The following GRIP2 variants were observed in gnomAD, a reference collection of about 807,000 sequenced individuals.
GRIP2 encodes glutamate receptor interacting protein 2, also known as glutamate receptor-interacting protein 2.
A neutral mutation model predicts 108.3 loss-of-function variants in GRIP2; 58 were observed. That is an observed-to-expected ratio of 0.54 (90% CI 0.43 to 0.67). The LOEUF (loss-of-function observed/expected upper bound fraction) is 0.67, where lower values mean the gene tolerates loss of function less well. Ranked by LOEUF, GRIP2 falls within the 30% of genes least tolerant of loss-of-function variation. GRIP2 has a pLI of 0.00. For synonymous variants in GRIP2, 586 were observed against 598.2 expected, an observed-to-expected ratio of 0.98 and a Z score of 0.30; for missense variants, 1,278 against 1,430.6, an observed-to-expected ratio of 0.89 and a Z score of 1.72.
intron 1 of GRIP2, among the ~76,000 whole-genome samples, chr3:14,554,421 G>T (rs1278509297): frequency 7.0e-6 from 1 of 142,904 alleles, no homozygotes; most frequent in Non-Finnish European, 1.5e-5. Flanking sequence ...ACGGTCTGTG[G>T]ACCTGAACAG....
intron 1 of GRIP2, among the ~76,000 whole-genome samples, chr3:14,551,043 G>A (rs532737040): frequency 6.6e-6 from 1 of 152,326 alleles, no homozygotes; most frequent in East Asian, 1.9e-4. Flanking sequence ...GAGGCAGCAA[G>A]GCTTCCAGGC....
Position 14,512,801 on chromosome 3 carries a change from C to T in GRIP2, c.1696G>A (p.Val566Met), listed in dbSNP as rs145225220. The change falls in exon 14 of 24, where the codon GTG becomes ATG. Residue 566 changes from valine (V) to methionine (M), a missense_variant. By Grantham distance (21) the Val-to-Met change is conservative. Coordinates refer to ENST00000621039, the MANE Select transcript of GRIP2 (RefSeq NM_001080423.4). This position sits in a 1 kb window ranked among gnomAD's most constrained non-coding sequence, Gnocchi z 5.1. Reference protein sequence around the residue: ...FHVKLPKKRSVELGITISSAS... With the variant: ...FHVKLPKKRSMELGITISSAS... ...CAGCTGATGGTGATGCCCAGCTCCA[C>T]GCTGCGCTTCTTGGGCAGCTTCACG... 3,476 of 1,613,672 alleles carry T rather than the reference C, an allele frequency of 2.2e-3. 58 individuals carry two copies. In the Admixed American group the frequency reaches 0.03, roughly 14 times the overall value.
upstream of GRIP2, chr3:14,540,523 C>T (rs1694947028): frequency 9.0e-7 from 1 of 1,109,276 alleles, no homozygotes; most frequent in Non-Finnish European, 1.3e-6. This position sits in a 1 kb window ranked among gnomAD's most constrained non-coding sequence, Gnocchi z 4.1. Flanking sequence ...ATGCCCCACC[C>T]CTGCAGCCTG....
At chr3:14,516,194 T>G (rs918352014) in intron 11 of GRIP2, among the ~76,000 whole-genome samples, 1 of 152,160 alleles carries the variant, frequency 6.6e-6, no homozygotes, top group African/African-American at 2.4e-5. Context: ...TTAGTAGAGA[T>G]ATATTTTCTC....
In GRIP2 at chr3:14,520,534, G is replaced by A. The variant is rs777030360; in HGVS notation, c.716C>T (p.Thr239Met). 17 of 1,613,728 alleles carry A rather than the reference G, an allele frequency of 1.1e-5. 1 individual carries two copies. Among genetic ancestry groups the A allele is most frequent in the Admixed American group, 5.0e-5 (3 of 59,996 alleles). Residue 239 changes from threonine to methionine, a missense_variant, in exon 8 of 24, where the codon ACG becomes ATG. Thr to Met is a moderately conservative substitution (Grantham distance 81). Transcript: ENST00000621039. ...QVEYDVATPD[T>M]VANASGPLMV... is the part of the protein sequence containing the mutation. ...CAAGGGTCCCGAAGCATTAGCCACCGTGTCTGGCATGACGGAGAAAAAAAG... is the reference window on the plus strand; with the variant it reads ...CAAGGGTCCCGAAGCATTAGCCACCATGTCTGGCATGACGGAGAAAAAAAG...
At chr3:14,597,902 A>G in the GRIP2 span, among the ~76,000 whole-genome samples, 1 of 152,198 alleles carries the variant, frequency 6.6e-6, no homozygotes, top group Non-Finnish European at 1.5e-5. Context: ...AGACATTTAA[A>G]ATCAGCTCCG....
the GRIP2 span, chr3:14,573,080 GC>G: frequency 5.0e-5 from 70 of 1,393,602 alleles, 1 homozygote; most frequent in African/African-American, 9.3e-4. Flanking sequence ...AGAGAAAGAG[GC>G]CACTGATGAA....
chr3:14,545,687 C>T (rs1367689927), upstream of GRIP2, among the ~76,000 whole-genome samples: 2 of 152,192 alleles, frequency 1.3e-5, no homozygotes, highest in Non-Finnish European at 2.9e-5. Context: ...ATGAAGTTGT[C>T]TGTACTAACA....
intron 1 of GRIP2, among the ~76,000 whole-genome samples, chr3:14,553,481 G>A (rs754178549): frequency 2.0e-5 from 3 of 152,014 alleles, no homozygotes; most frequent in Non-Finnish European, 2.9e-5. Flanking sequence ...CCTTAAATAC[G>A]CAGCTCTGGG....
intron 16 of GRIP2, among the ~76,000 whole-genome samples, chr3:14,510,286 A>C (rs1207610154): frequency 7.1e-6 from 1 of 141,332 alleles, no homozygotes; most frequent in Non-Finnish European, 1.5e-5. Flanking sequence ...TTTTTGAGAC[A>C]GAGTCTTGCT....
chr3:14,572,680 G>A, the GRIP2 span, among the ~76,000 whole-genome samples: 1 of 148,790 alleles, frequency 6.7e-6, no homozygotes. Flanking sequence ...TAAATGCCCA[G>A]CAGTACAAGG....
At chr3:14,597,504 G>C in the GRIP2 span, among the ~76,000 whole-genome samples, 1 of 152,186 alleles carries the variant, frequency 6.6e-6, no homozygotes, top group Non-Finnish European at 1.5e-5. Context: ...AGGTGGAAGA[G>C]AGACCGAGAA....
chr3:14,598,522 T>C, the GRIP2 span, among the ~76,000 whole-genome samples: 1 of 152,028 alleles, frequency 6.6e-6, no homozygotes, highest in African/African-American at 2.4e-5. Context: ...CTTTCTCACC[T>C]CCACCCCCTT....
chr3:14,583,704 C>A, the GRIP2 span, among the ~76,000 whole-genome samples: 6 of 152,244 alleles, frequency 3.9e-5, no homozygotes, highest in Non-Finnish European at 8.8e-5. Flanking sequence ...TGCTTCTAAG[C>A]TACGCTGCTG....
Position 14,507,019 on chromosome 3 carries a change from C to T in GRIP2, c.2219-39G>A, listed in dbSNP as rs1449039658. The T allele has an allele frequency of 6.5e-7, 1 of 1,536,010 alleles. No homozygotes were observed. The highest frequency in any genetic ancestry group is 8.8e-7 in the Non-Finnish European group (1 of 1,133,912). On this transcript the variant is annotated intron_variant, in intron 18 of 23. Transcript: ENST00000621039. This position sits in a 1 kb window ranked among gnomAD's most constrained non-coding sequence, Gnocchi z 4.6. ...GGGGTGTCAATTCTGACTTCAGAGA[C>T]ACTCACAGTGAGCCTCAGTTTCTGC...
At chr3:14,583,828 C>T in the GRIP2 span, among the ~76,000 whole-genome samples, 1 of 152,196 alleles carries the variant, frequency 6.6e-6, no homozygotes, top group Non-Finnish European at 1.5e-5. Flanking sequence ...CCATCTGCAA[C>T]CACCAGTGTA....
the GRIP2 span, chr3:14,572,827 G>T: frequency 1.0e-6 from 1 of 987,054 alleles, no homozygotes; most frequent in Non-Finnish European, 1.6e-6. Context: ...GGAGCGCATG[G>T]TCCCTGGAGC....
Position 14,555,600 on chromosome 3 carries a change from CAGGAGAGAG to C in GRIP2, c.55+291_55+299del, listed in dbSNP as rs1695225448. 2.6e-5 allele frequency among the ~76,000 whole-genome samples: 4 copies of C among 151,356 alleles called. No individual in the cohort carries two copies. In the South Asian group the frequency reaches 8.4e-4, roughly 32 times the overall value. On this transcript the variant is annotated intron_variant, in intron 1 of 23. Transcript: ENST00000637182. The stretch of plus-strand genomic sequence containing the variant: ...ACCCAGAGGCCAGACAGAGAGACAG[CAGGAGAGAG>C]AGGAGAGAGAGACAGAGAGACAGTG...
chr3:14,562,194 A>C, the GRIP2 span, among the ~76,000 whole-genome samples: 1 of 152,244 alleles, frequency 6.6e-6, no homozygotes, highest in South Asian at 2.1e-4. Context: ...TCCTTTGCCC[A>C]GCAAAAGGAC....
Sources: allele counts gnomAD v4.1 joint callset (sites outside exome capture counted in the v4.1 genomes callset), GRCh38; gene constraint gnomAD v4.1.1; non-coding constraint Gnocchi (gnomAD v3.1); transcripts MANE v1.5; gene names NCBI Gene and HGNC (gene_info 2026-07-23, HGNC 2026-07-21).